The following PCSK5 variants were observed in gnomAD, a reference collection of about 807,000 sequenced individuals.
PCSK5 encodes prohormone convertase 5.
PCSK5 carries 129 observed loss-of-function variants against 233.2 expected under a neutral mutation model. The observed-to-expected ratio is 0.55, with a 90% CI of 0.48 to 0.64. The LOEUF (loss-of-function observed/expected upper bound fraction) is 0.64. Among genes scored for constraint, PCSK5 ranks in the 30% least tolerant of loss-of-function variants. The pLI is 0.00. For missense variants in PCSK5, 2,076 were observed against 2,430.1 expected (o/e 0.85, Z 3.06); for synonymous variants, 825 against 879.2 (o/e 0.94, Z 1.09).
chr9:76,074,946 G>A (rs1830593360), intron 7 of PCSK5, among the ~76,000 whole-genome samples: 1 of 152,136 alleles, frequency 6.6e-6, no homozygotes, highest in Non-Finnish European at 1.5e-5. Context: ...CAGGCCGGGT[G>A]TGGTGGCTCA....
chr9:76,296,559 A>G (rs958383660), intron 26 of PCSK5, 106 bp from the exon 27 acceptor site: 3 of 697,794 alleles, frequency 4.3e-6, no homozygotes, highest in Non-Finnish European at 7.5e-6. Flanking sequence ...AATAATAAAA[A>G]CAAATGCAAA....
intron 12 of PCSK5, among the ~76,000 whole-genome samples, chr9:76,167,257 A>C (rs1823123034): frequency 2.6e-5 from 4 of 152,368 alleles, no homozygotes; most frequent in African/African-American, 9.6e-5. Flanking sequence ...AGAGAGAGAG[A>C]ATAGGCTTCA....
At chr9:76,179,186 A>G (rs1823740073) in intron 14 of PCSK5, among the ~76,000 whole-genome samples, 1 of 152,220 alleles carries the variant, frequency 6.6e-6, no homozygotes, top group Non-Finnish European at 1.5e-5. Flanking sequence ...CAGGCGTTAA[A>G]TAATAATGCT....
chr9:76,123,718 A>T (rs1268944954), intron 9 of PCSK5, among the ~76,000 whole-genome samples: 1 of 152,198 alleles, frequency 6.6e-6, no homozygotes, highest in African/African-American at 2.4e-5. Context: ...ATCAAAATAA[A>T]ACTTTAAATT....
chr9:76,159,641 G>T (rs1258059817), intron 12 of PCSK5, among the ~76,000 whole-genome samples: 1 of 152,020 alleles, frequency 6.6e-6, no homozygotes, highest in Non-Finnish European at 1.5e-5. Flanking sequence ...TGTAAGCCAG[G>T]TCTTTATCCC....
At chr9:76,096,812 G>C (rs1831534047) in intron 8 of PCSK5, among the ~76,000 whole-genome samples, 1 of 152,032 alleles carries the variant, frequency 6.6e-6, no homozygotes, top group Non-Finnish European at 1.5e-5. Flanking sequence ...CGTTGGCCAG[G>C]CTGGTCTCAA....
At chr9:76,188,220 G>A (rs1824195617) in intron 17 of PCSK5, among the ~76,000 whole-genome samples, 1 of 152,248 alleles carries the variant, frequency 6.6e-6, no homozygotes, top group East Asian at 1.9e-4. Flanking sequence ...AGAAATTGTT[G>A]GGCTTATTGC....
At chr9:76,193,562 C>G (rs1824532207) in intron 20 of PCSK5, 1 of 487,180 alleles carries the variant, frequency 2.1e-6, no homozygotes, top group African/African-American at 2.0e-5. Flanking sequence ...AAAACTACAA[C>G]AAGCCTACCT....
At chr9:75,915,165 G>C (rs1240830359) in intron 1 of PCSK5, among the ~76,000 whole-genome samples, 2 of 152,158 alleles carry the variant, frequency 1.3e-5, no homozygotes, top group African/African-American at 2.4e-5. Context: ...ATCTGACCGT[G>C]TTATAATGGG....
chr9:76,064,868 G>A (rs1427822368), intron 5 of PCSK5, among the ~76,000 whole-genome samples: 2 of 152,268 alleles, frequency 1.3e-5, no homozygotes, highest in East Asian at 3.9e-4. Context: ...TTTTATTTTT[G>A]TAGAGACGCA....
chr9:75,925,450 A>T (rs1237886058), intron 1 of PCSK5, among the ~76,000 whole-genome samples: 1 of 152,200 alleles, frequency 6.6e-6, no homozygotes, highest in Non-Finnish European at 1.5e-5. Flanking sequence ...AGGAGGTGAG[A>T]CTAATCCAGC....
At chr9:76,283,436 G>A (rs1827943365) in intron 24 of PCSK5, among the ~76,000 whole-genome samples, 1 of 152,208 alleles carries the variant, frequency 6.6e-6, no homozygotes, top group South Asian at 2.1e-4. Flanking sequence ...TGAATGCTCA[G>A]ATGATCATTA....
intron 35 of PCSK5, among the ~76,000 whole-genome samples, chr9:76,346,666 ATGT>A (rs1393444729): frequency 7.2e-5 from 11 of 152,204 alleles, no homozygotes; most frequent in East Asian, 5.8e-4. Context: ...GGTTAGGAAA[ATGT>A]TGTGCTATCA....
intron 9 of PCSK5, among the ~76,000 whole-genome samples, chr9:76,115,948 A>G (rs1226049983): frequency 6.6e-6 from 1 of 152,048 alleles, no homozygotes; most frequent in East Asian, 1.9e-4. Context: ...TTGTCACATA[A>G]AAGTTAAAAT....
intron 24 of PCSK5, among the ~76,000 whole-genome samples, chr9:76,283,676 C>T (rs543744303): frequency 6.6e-6 from 1 of 152,212 alleles, no homozygotes; most frequent in Non-Finnish European, 1.5e-5. Flanking sequence ...TAAATATATT[C>T]CCAACAGATG....
chr9:76,052,379 G>A (rs945902044), intron 5 of PCSK5, among the ~76,000 whole-genome samples: 5 of 152,154 alleles, frequency 3.3e-5, no homozygotes, highest in Non-Finnish European at 7.3e-5. Flanking sequence ...AGTTCCACAT[G>A]GCCGGGAAGA....
At chr9:75,958,576 C>A (rs185074114) in intron 2 of PCSK5, among the ~76,000 whole-genome samples, 2 of 152,258 alleles carry the variant, frequency 1.3e-5, no homozygotes, top group Admixed American at 1.3e-4. Flanking sequence ...AGGCCATTAC[C>A]TGTGTAAGAT....
chr9:75,926,476 ATT>A (rs1823494857), intron 1 of PCSK5, among the ~76,000 whole-genome samples: 1 of 152,198 alleles, frequency 6.6e-6, no homozygotes, highest in Non-Finnish European at 1.5e-5. Flanking sequence ...GAAAAGATGT[ATT>A]TGGTTGTTAG....
intron 36 of PCSK5, among the ~76,000 whole-genome samples, chr9:76,351,845 C>T (rs1380057351): frequency 6.6e-6 from 1 of 151,862 alleles, no homozygotes; most frequent in Non-Finnish European, 1.5e-5. Context: ...TCAGGTGATC[C>T]TCCCACCTCA....
Sources: allele counts gnomAD v4.1 joint callset (sites outside exome capture counted in the v4.1 genomes callset), GRCh38; gene constraint gnomAD v4.1.1; transcripts MANE v1.5; gene names NCBI Gene and HGNC (gene_info 2026-07-23, HGNC 2026-07-21).